Variants in PRKDC observed in about 807,000 individuals in gnomAD.
PRKDC encodes the protein DNA-dependent protein kinase catalytic subunit.
A neutral mutation model predicts 486.9 loss-of-function variants in PRKDC; 82 were observed. The ratio of observed to expected loss-of-function variants is 0.17; its 90% CI spans 0.14 to 0.20. PRKDC has a LOEUF of 0.20. Among genes scored for constraint, PRKDC ranks in the 10% least tolerant of loss-of-function variants. The pLI, the probability that PRKDC is intolerant of heterozygous loss-of-function variation, is 1.00. For missense variants in PRKDC, 4,504 were observed against 5,038.2 expected, an observed-to-expected ratio of 0.89 and a Z score of 3.21; for synonymous variants, 1,895 against 1,837.0, an observed-to-expected ratio of 1.03 and a Z score of -0.81.
intron 61 of PRKDC, among the ~76,000 whole-genome samples, chr8:47,828,762 T>C (rs1438134817): frequency 6.6e-6 from 1 of 152,220 alleles, no homozygotes; most frequent in African/African-American, 2.4e-5. Flanking sequence ...AAAGATTAAA[T>C]GTTTAGGTAT....
intron 39 of PRKDC, among the ~76,000 whole-genome samples, chr8:47,878,841 CAAAAG>C (rs1468734609): frequency 2.0e-5 from 3 of 152,176 alleles, no homozygotes; most frequent in African/African-American, 7.2e-5. Context: ...TGTCTCAAAA[CAAAAG>C]AAAACAAAAC....
intron 66 of PRKDC, 36 bp from the exon 67 acceptor site, chr8:47,819,546 A>G: frequency 8.8e-7 from 1 of 1,137,110 alleles, no homozygotes; most frequent in Middle Eastern, 2.9e-4. Context: ...GGCATTTACA[A>G]ATGCCATGTT....
At chr8:47,824,468 CAAAA>C (rs11369602) in intron 63 of PRKDC, among the ~76,000 whole-genome samples, 1 of 37,698 alleles carries the variant, frequency 2.7e-5, no homozygotes, top group Non-Finnish European at 4.7e-5. Flanking sequence ...GACTCCGCCT[CAAAA>C]AAAAAAAAAA....
chr8:47,946,807 C>CA (rs1490825613), intron 7 of PRKDC, among the ~76,000 whole-genome samples: 1 of 152,142 alleles, frequency 6.6e-6, no homozygotes, highest in African/African-American at 2.4e-5. Context: ...CAGGTTTCTA[C>CA]AAAAAACCCG....
intron 25 of PRKDC, among the ~76,000 whole-genome samples, chr8:47,910,207 TAG>T (rs941796475): frequency 1.6e-4 from 24 of 152,096 alleles, no homozygotes; most frequent in African/African-American, 5.6e-4. Context: ...ATATTCCTCT[TAG>T]TTATTTTCCA....
intron 7 of PRKDC, among the ~76,000 whole-genome samples, chr8:47,951,048 ATC>A (rs1332399592): frequency 2.0e-5 from 3 of 152,212 alleles, no homozygotes; most frequent in Non-Finnish European, 2.9e-5. Context: ...AAAGGACATA[ATC>A]AACACAGTGA....
chr8:47,950,984 A>C (rs2090617026), intron 7 of PRKDC, among the ~76,000 whole-genome samples: 1 of 152,206 alleles, frequency 6.6e-6, no homozygotes, highest in Non-Finnish European at 1.5e-5. Context: ...CTCTTAAAAA[A>C]ATAAAAAAAA....
At position 47,957,113 on chromosome 8, in the gene PRKDC, C is replaced by G. The variant is rs912950475; in HGVS notation, c.324+58G>C. On this transcript the variant is annotated intron_variant, in intron 3 of 85. Coordinates refer to ENST00000314191, the MANE Select transcript of PRKDC (RefSeq NM_006904.7). ...AAATAAAAATCCAAGTTCCTCACAC[C>G]ATAAGTTAAAACAGATGTTGATATA... The G allele has an allele frequency of 1.8e-5, 21 of 1,179,296 alleles. No individual in the cohort carries two copies. In the Admixed American group the frequency reaches 5.3e-4, roughly 30 times the overall value. 73.1% of individuals were successfully genotyped at this position (1,179,296 alleles called of 1,614,324 possible).
intron 21 of PRKDC, among the ~76,000 whole-genome samples, chr8:47,921,666 C>G (rs1440825969): frequency 6.6e-6 from 1 of 152,036 alleles, no homozygotes; most frequent in Non-Finnish European, 1.5e-5. Context: ...GTGTGTAAGG[C>G]AATTCTCAAT....
chr8:47,878,263 G>C (rs926142154), intron 39 of PRKDC, among the ~76,000 whole-genome samples: 1 of 151,882 alleles, frequency 6.6e-6, no homozygotes, highest in African/African-American at 2.4e-5. Flanking sequence ...CCGCCACCAC[G>C]CCTGGCTAAT....
intron 45 of PRKDC, among the ~76,000 whole-genome samples, chr8:47,860,441 A>AG (rs1455158187): frequency 6.6e-6 from 1 of 152,230 alleles, no homozygotes; most frequent in Non-Finnish European, 1.5e-5. Context: ...GAAGGGCTGC[A>AG]GGGGAGGGAG....
At chr8:47,799,566 C>A (rs1368377543) in intron 71 of PRKDC, among the ~76,000 whole-genome samples, 176 bp from the exon 72 acceptor site, 2 of 152,170 alleles carry the variant, frequency 1.3e-5, no homozygotes, top group Non-Finnish European at 2.9e-5. Flanking sequence ...GCAATTCCAG[C>A]AAGATCCTCA....
chr8:47,815,129 G>A (rs774459466), intron 68 of PRKDC, among the ~76,000 whole-genome samples: 2 of 152,194 alleles, frequency 1.3e-5, no homozygotes, highest in Non-Finnish European at 2.9e-5. Flanking sequence ...TCGGGTGACA[G>A]AGTAAGACCC....
Position 47,782,153 on chromosome 8 carries a change from C to T in PRKDC, c.11489+9G>A, listed in dbSNP as rs754804985. 2 of 1,611,984 alleles carry T rather than the reference C, an allele frequency of 1.2e-6. No homozygotes were observed. Among genetic ancestry groups the T allele is most frequent in the Admixed American group, 1.7e-5 (1 of 60,032 alleles). ...CTGCTGGGGGAGCAGGGCGTGTGGCCGCCCTTACCTCAGGTAAGCCGCCTT... is the reference window on the plus strand; with the variant it reads ...CTGCTGGGGGAGCAGGGCGTGTGGCTGCCCTTACCTCAGGTAAGCCGCCTT... On this transcript the variant is annotated intron_variant, in intron 80 of 85. Coordinates refer to ENST00000314191, the MANE Select transcript of PRKDC (RefSeq NM_006904.7). The surrounding 1 kb of genome is among the most constrained non-coding windows in gnomAD (Gnocchi z 4.9).
chr8:47,911,603 AT>A (rs2154502745), intron 25 of PRKDC, among the ~76,000 whole-genome samples: 1 of 152,188 alleles, frequency 6.6e-6, no homozygotes, highest in South Asian at 2.1e-4. Flanking sequence ...TGAGTTTTGC[AT>A]TTCATTTTCT....
chr8:47,834,368 G>C lies in PRKDC; in HGVS notation c.7980C>G (p.Thr2660=). 1.2e-6 allele frequency: 2 copies of C among 1,613,718 alleles called. No homozygotes were observed. Among genetic ancestry groups the C allele is most frequent in the Non-Finnish European group, 8.5e-7 (1 of 1,179,870 alleles). ...ADGRSSFDWL[T]GSSTDPLVDH... is the part of the protein sequence containing the mutation. ...CGACCAGCGGGTCAGTGCTGCTCCC[G>C]GTCAGCCAATCAAATGAGCTTCTTC... Residue 2660 remains threonine, a synonymous_variant, in exon 59 of 86, where the codon ACC becomes ACG. Transcript: ENST00000314191.
chr8:47,807,393 G>A, intron 68 of PRKDC, 67 bp from the exon 69 acceptor site: 1 of 1,305,546 alleles, frequency 7.7e-7, no homozygotes, highest in Non-Finnish European at 1.0e-6. Context: ...AGCAATTACA[G>A]GCAGAAATTC....
intron 25 of PRKDC, among the ~76,000 whole-genome samples, chr8:47,911,162 A>G (rs1462296623): frequency 6.6e-6 from 1 of 152,184 alleles, no homozygotes; most frequent in Non-Finnish European, 1.5e-5. Flanking sequence ...CCCGCTGACA[A>G]GTGTCTTTTG....
rs752784913 is a variant in PRKDC at position 47,935,720 on chromosome 8, T to C, written c.1447+12A>G. On this transcript the variant is annotated intron_variant, in intron 13 of 85. Transcript: ENST00000314191. Reference sequence around the variant, plus strand: ...CATCATTACTCATAAATACAATAAATTGCAAACTTACCCACAGTACTAATG... The same window carrying C: ...CATCATTACTCATAAATACAATAAACTGCAAACTTACCCACAGTACTAATG... 1.1e-5 allele frequency: 17 copies of C among 1,611,006 alleles called. No individual in the cohort carries two copies. Among genetic ancestry groups the C allele is most frequent in the Admixed American group, 3.3e-5 (2 of 59,836 alleles).
Sources: gnomAD v4.1 joint callset for allele counts (sites outside exome capture counted in the v4.1 genomes callset) on GRCh38, gnomAD v4.1.1 for gene constraint, Gnocchi (gnomAD v3.1) non-coding constraint, MANE v1.5 for transcripts, NCBI Gene and HGNC (gene_info 2026-07-23, HGNC 2026-07-21) for gene names.